The following IMMP2L variants were observed in gnomAD, a reference collection of about 807,000 sequenced individuals.
IMMP2L encodes mitochondrial inner membrane protease subunit 2.
Under a neutral mutation model 19.3 loss-of-function variants are expected in IMMP2L, and 18 were observed. The ratio of observed to expected loss-of-function variants is 0.93; its 90% CI spans 0.64 to 1.38. The LOEUF is 1.38. Among genes scored for constraint, IMMP2L ranks in the 40% most tolerant of loss-of-function variants. The pLI, the probability that IMMP2L is intolerant of heterozygous loss-of-function variation, is 0.00. For synonymous variants in IMMP2L, 76 were observed against 73.0 expected, an observed-to-expected ratio of 1.04 and a Z score of -0.21; for missense variants, 233 against 218.2, an observed-to-expected ratio of 1.07 and a Z score of -0.43.
In IMMP2L at chr7:111,075,983, A is replaced by G. The variant is rs1462201238; in HGVS notation, c.240-112418T>C. Among the ~76,000 whole-genome samples, 5 of 152,206 alleles carry G rather than the reference A, an allele frequency of 3.3e-5. No individual in the cohort carries two copies. In the South Asian group the frequency reaches 1.0e-3, roughly 32 times the overall value. Reference sequence around the variant, plus strand: ...CACTTGCCAGCTACCAGAAAATCAAATGAACTAAATTTCTTATCTAGTTAA... The same window carrying G: ...CACTTGCCAGCTACCAGAAAATCAAGTGAACTAAATTTCTTATCTAGTTAA... On this transcript the variant is annotated intron_variant, in intron 3 of 5. Coordinates refer to ENST00000405709, the MANE Select transcript of IMMP2L (RefSeq NM_032549.4).
At chr7:110,995,500 A>G (rs558676136) in intron 3 of IMMP2L, among the ~76,000 whole-genome samples, 1 of 152,270 alleles carries the variant, frequency 6.6e-6, no homozygotes, top group Admixed American at 6.5e-5. Flanking sequence ...CTTCCAGGAG[A>G]TAAGAAGTAC....
At chr7:111,479,388 G>A (rs1411902810) in intron 3 of IMMP2L, among the ~76,000 whole-genome samples, 1 of 152,060 alleles carries the variant, frequency 6.6e-6, no homozygotes, top group East Asian at 1.9e-4. Flanking sequence ...AAATAAACTA[G>A]TCCATTTACA....
chr7:111,054,163 A>G (rs1161240213), intron 3 of IMMP2L, among the ~76,000 whole-genome samples: 1 of 152,236 alleles, frequency 6.6e-6, no homozygotes, highest in African/African-American at 2.4e-5. Context: ...TATTTGATAT[A>G]TTTTAATATA....
At chr7:111,359,774 AC>A (rs1253250234) in intron 3 of IMMP2L, among the ~76,000 whole-genome samples, 3 of 152,110 alleles carry the variant, frequency 2.0e-5, no homozygotes, top group Admixed American at 1.3e-4. Context: ...GCTAGTGGTT[AC>A]CCTAACTGAT....
chr7:111,207,534 G>GTTTTTTTTTTTTTTTTTTTTTTTTTGT, intron 3 of IMMP2L, among the ~76,000 whole-genome samples: 1 of 90,106 alleles, frequency 1.1e-5, no homozygotes, highest in South Asian at 5.1e-4. Context: ...TTTATTTTTG[G>GTTTTTTTTTTTTTTTTTTTTTTTTTGT]TTTTTTTTTT....
intron 3 of IMMP2L, among the ~76,000 whole-genome samples, chr7:111,226,973 A>C (rs1480145021): frequency 6.6e-6 from 1 of 152,176 alleles, no homozygotes; most frequent in Non-Finnish European, 1.5e-5. Context: ...GCCAGTAAAA[A>C]GGGGAAGTGA....
intron 3 of IMMP2L, among the ~76,000 whole-genome samples, chr7:111,185,595 T>C (rs1199155141): frequency 2.0e-5 from 3 of 152,136 alleles, no homozygotes; most frequent in African/African-American, 7.2e-5. Flanking sequence ...TTACTGAAGC[T>C]GAAAACTCAC....
intron 3 of IMMP2L, among the ~76,000 whole-genome samples, chr7:111,149,240 AAAG>A: frequency 6.6e-6 from 1 of 152,280 alleles, no homozygotes; most frequent in Admixed American, 6.5e-5. Flanking sequence ...AAGTCAAAAG[AAAG>A]AAGATGTGGT....
intron 3 of IMMP2L, among the ~76,000 whole-genome samples, chr7:111,070,036 C>T (rs1794820185): frequency 1.3e-5 from 2 of 152,012 alleles, no homozygotes; most frequent in Non-Finnish European, 2.9e-5. Context: ...TATCCAGAAC[C>T]TCACAACACA....
chr7:111,224,660 T>C (rs1267930287), intron 3 of IMMP2L, among the ~76,000 whole-genome samples: 2 of 152,138 alleles, frequency 1.3e-5, no homozygotes, highest in African/African-American at 4.8e-5. Context: ...CTGAGATCCA[T>C]GAGAACCTTT....
At chr7:111,404,892 G>A (rs1053950657) in intron 3 of IMMP2L, among the ~76,000 whole-genome samples, 9 of 152,002 alleles carry the variant, frequency 5.9e-5, no homozygotes, top group African/African-American at 2.2e-4. Flanking sequence ...ACTCCAAAAT[G>A]CAACCCAAAA....
chr7:110,749,980 A>T (rs1797623284), intron 5 of IMMP2L, among the ~76,000 whole-genome samples: 1 of 152,106 alleles, frequency 6.6e-6, no homozygotes, highest in Admixed American at 6.6e-5. Flanking sequence ...CCCAGAAAGT[A>T]ATGCTTTTAC....
chr7:111,325,810 T>C (rs1011724010), intron 3 of IMMP2L, among the ~76,000 whole-genome samples: 2 of 151,782 alleles, frequency 1.3e-5, no homozygotes, highest in African/African-American at 2.4e-5. Context: ...ATTCTATCTT[T>C]TGGCATCATC....
intron 5 of IMMP2L, among the ~76,000 whole-genome samples, chr7:110,731,587 T>G (rs1245140899): frequency 6.6e-6 from 1 of 152,194 alleles, no homozygotes; most frequent in Non-Finnish European, 1.5e-5. Flanking sequence ...TCCTGAATCC[T>G]GAATTCAAAC....
intron 4 of IMMP2L, among the ~76,000 whole-genome samples, chr7:110,896,419 G>C (rs967250924): frequency 6.6e-6 from 1 of 151,908 alleles, no homozygotes; most frequent in Non-Finnish European, 1.5e-5. Context: ...ATGACTTCTG[G>C]CAAGCCAATT....
intron 3 of IMMP2L, among the ~76,000 whole-genome samples, chr7:111,081,412 C>A (rs1433283609): frequency 6.6e-6 from 1 of 152,196 alleles, no homozygotes; most frequent in African/African-American, 2.4e-5. Flanking sequence ...TAAACTTGTA[C>A]TTGCTTATTG....
chr7:111,120,409 T>A (rs1457157041), intron 3 of IMMP2L, among the ~76,000 whole-genome samples: 1 of 151,894 alleles, frequency 6.6e-6, no homozygotes, highest in African/African-American at 2.4e-5. Context: ...AAACATCAGA[T>A]CTCCTGAGAC....
intron 3 of IMMP2L, among the ~76,000 whole-genome samples, chr7:111,444,909 A>T: frequency 6.6e-6 from 1 of 152,098 alleles, no homozygotes; most frequent in East Asian, 1.9e-4. Context: ...GAGACATTAC[A>T]TTATTCAGTG....
intron 3 of IMMP2L, among the ~76,000 whole-genome samples, chr7:111,194,397 C>G (rs915196043): frequency 6.6e-6 from 1 of 152,166 alleles, no homozygotes; most frequent in Non-Finnish European, 1.5e-5. Flanking sequence ...TAAGGAGCAG[C>G]CTCTGAGAAA....
Sources: gnomAD v4.1 joint callset for allele counts (sites outside exome capture counted in the v4.1 genomes callset) on GRCh38, gnomAD v4.1.1 for gene constraint, MANE v1.5 for transcripts, NCBI Gene and HGNC (gene_info 2026-07-23, HGNC 2026-07-21) for gene names.